Variants in GPR33 observed in about 807,000 individuals in gnomAD.
GPR33 encodes the protein probable G protein-coupled receptor 33.
GPR33 carries 4 observed loss-of-function variants against 3.1 expected under a neutral mutation model. The observed-to-expected ratio is 1.29, with a 90% CI of 0.64 to 2.96. The LOEUF (loss-of-function observed/expected upper bound fraction) is 2.96, where lower values mean the gene tolerates loss of function less well. Ranked by LOEUF, GPR33 falls within the 30% of genes most tolerant of loss-of-function variation. The probability of loss-of-function intolerance (pLI) is 0.01; values close to 1 mark genes in which losing one functional copy is unlikely to be tolerated. For missense variants in GPR33, 390 were observed against 388.9 expected, an observed-to-expected ratio of 1.00 and a Z score of -0.02; for synonymous variants, 138 against 142.0, an observed-to-expected ratio of 0.97 and a Z score of 0.20.
In GPR33 at chr14:31,483,320, G is replaced by T; in HGVS notation, c.646C>A (p.Leu216Met). The T allele has an allele frequency of 6.5e-7, 1 of 1,536,168 alleles. No individual in the cohort carries two copies. The highest frequency in any genetic ancestry group is 8.7e-7 in the Non-Finnish European group (1 of 1,146,918). ...FISRFLLGFL[L>M]PFFIIIFCYE... ...CAAAAGATGATGATGAAGAAAGGCA[G>T]AAGAAAGCCCAGCAAGAAGCGGCTG... The change falls in exon 2 of 2, where the codon CTG (leucine) becomes ATG (methionine). Residue 216 changes from leucine to methionine, a missense_variant. By Grantham distance (15) the Leu-to-Met change is conservative. Coordinates refer to ENST00000399285, the MANE Select transcript of GPR33 (RefSeq NM_001197184.3).
rs1192922822 is a variant in GPR33, at chr14:31,483,903, A to C, written c.63T>G (p.Thr21=). ...INASTLVRNS[T]QFLAPASKMI... ...TTTTTGATGCAGGAGCTAGAAACTG[A>C]GTGCTGTTTCTTACTAAAGTAGAGG... is the stretch of plus-strand genomic sequence containing the variant. The change falls in exon 2 of 2, where the codon ACT becomes ACG. Residue 21 remains threonine, a synonymous_variant. Coordinates refer to ENST00000399285, the MANE Select transcript of GPR33 (RefSeq NM_001197184.3). 1 of 1,535,730 alleles carries C rather than the reference A, an allele frequency of 6.5e-7. No individual in the cohort carries two copies. Among genetic ancestry groups the C allele is most frequent in the South Asian group, 1.2e-5 (1 of 84,058 alleles).
At position 31,486,389 on chromosome 14, in the gene GPR33, G is replaced by A. The variant is rs117261804; in HGVS notation, c.-7+1508C>T. On this transcript the variant is annotated intron_variant, in intron 1 of 1. Coordinates refer to ENST00000399285, the MANE Select transcript of GPR33 (RefSeq NM_001197184.3). ...GCTAGGATTAGAGGCATGAGCTGCC[G>A]TGCCCAGCCATAATTGCTATTCAAA... Among the ~76,000 whole-genome samples the A allele has an allele frequency of 3.7e-4, 56 of 152,276 alleles. No homozygotes were observed. In the East Asian group the frequency reaches 9.3e-3, roughly 25 times the overall value.
intron 1 of GPR33, 95 bp from the exon 2 acceptor site, chr14:31,484,066 C>T (rs1038796972): frequency 1.8e-5 from 17 of 957,040 alleles, no homozygotes; most frequent in Non-Finnish European, 2.4e-5. Context: ...CATAGTGATA[C>T]TTCTAGTCCA....
intron 1 of GPR33, among the ~76,000 whole-genome samples, chr14:31,485,754 C>T (rs1458494134): frequency 6.6e-6 from 1 of 152,058 alleles, no homozygotes; most frequent in Non-Finnish European, 1.5e-5. Flanking sequence ...TATTTCCCAC[C>T]ATGCCTCCAT....
chr14:31,483,977 G>A lies in GPR33; in HGVS notation c.-6-6C>T. The A allele has an allele frequency of 6.7e-7, 1 of 1,496,726 alleles. No homozygotes were observed. Among genetic ancestry groups the A allele is most frequent in the Non-Finnish European group, 8.8e-7 (1 of 1,130,270 alleles). The allele number at this position is 1,496,726 out of a possible 1,614,324, so 92.7% of individuals were successfully genotyped here. A position where few individuals can be genotyped will look rare whatever the true frequency, so the allele number is the denominator to read the frequency against. On this transcript the variant is annotated splice_polypyrimidine_tract_variant and splice_region_variant and intron_variant, in intron 1 of 1. Transcript: ENST00000399285. ...TTGATCAGATCCATAATGACCTGTG[G>A]AGTGAGAAACAGTGAAAATAACAAC... is the stretch of plus-strand genomic sequence containing the variant.
intron 1 of GPR33, among the ~76,000 whole-genome samples, chr14:31,485,373 T>C (rs890043571): frequency 1.8e-4 from 27 of 151,894 alleles, no homozygotes; most frequent in African/African-American, 5.3e-4. Flanking sequence ...CGGTGGCTCA[T>C]GCCTGTAATT....
rs548068748 is a variant in GPR33, at chr14:31,486,765, T to G, written c.-7+1132A>C. Among the ~76,000 whole-genome samples, 11 of 152,290 alleles carry G rather than the reference T, an allele frequency of 7.2e-5. No individual in the cohort carries two copies. In the South Asian group the frequency reaches 2.3e-3, roughly 32 times the overall value. On this transcript the variant is annotated intron_variant, in intron 1 of 1. Coordinates refer to ENST00000399285, the MANE Select transcript of GPR33 (RefSeq NM_001197184.3). The stretch of plus-strand genomic sequence containing the variant: ...CACAGGGGATTTAAAAATAGGAATG[T>G]CTAATAATTATAATCTATTTGCTAT...
chr14:31,487,096 AT>A (rs981375811), intron 1 of GPR33, among the ~76,000 whole-genome samples: 1 of 151,584 alleles, frequency 6.6e-6, no homozygotes, highest in African/African-American at 2.4e-5. Context: ...TATGGGAAAG[AT>A]TTTTTTTTAA....
At chr14:31,484,191 A>G (rs1022231811) in intron 1 of GPR33, among the ~76,000 whole-genome samples, 6 of 152,226 alleles carry the variant, frequency 3.9e-5, no homozygotes, top group African/African-American at 1.4e-4. Context: ...CTGAGCATCA[A>G]AAATAGAAAT....
rs534323330 is a variant in GPR33 at position 31,487,266 on chromosome 14, C to T, written c.-7+631G>A. Among the ~76,000 whole-genome samples the T allele has an allele frequency of 5.3e-5, 8 of 152,002 alleles. No homozygotes were observed. The South Asian group carries it at 1.7e-3, about 32-fold the overall frequency. On this transcript the variant is annotated intron_variant, in intron 1 of 1. Coordinates refer to ENST00000399285, the MANE Select transcript of GPR33 (RefSeq NM_001197184.3). ...GCACATAACCAGGAGATTTCTTCATCCTTAAACACCTTTAAAATGATGTTA... is the reference window on the plus strand; with the variant it reads ...GCACATAACCAGGAGATTTCTTCATTCTTAAACACCTTTAAAATGATGTTA...
At chr14:31,484,251 T>C (rs1165420343) in intron 1 of GPR33, among the ~76,000 whole-genome samples, 1 of 152,182 alleles carries the variant, frequency 6.6e-6, no homozygotes, top group Non-Finnish European at 1.5e-5. Context: ...TTGGGACATT[T>C]TGACAATTGT....
In GPR33 at chr14:31,487,967, C is replaced by T. The variant is rs1287937483; in HGVS notation, c.-77G>A. ...GTGACTCTACACCATCAATTTCTCA[C>T]TAGGAACAGAGTGAACAAAATCAGT... On this transcript the variant is annotated 5_prime_UTR_variant, in exon 1 of 2. In the 5' UTR this introduces an upstream ATG that the reference lacks. Transcript: ENST00000399285. The T allele has an allele frequency of 6.6e-6, 1 of 152,216 alleles. No individual in the cohort carries two copies. Among genetic ancestry groups the T allele is most frequent in the Non-Finnish European group, 1.5e-5 (1 of 68,050 alleles). The allele number at this position is 152,216 out of a possible 1,614,324, so 9.4% of individuals were successfully genotyped here. A position where few individuals can be genotyped will look rare whatever the true frequency, so the allele number is the denominator to read the frequency against.
At chr14:31,486,157 G>A (rs2032417590) in intron 1 of GPR33, among the ~76,000 whole-genome samples, 2 of 152,170 alleles carry the variant, frequency 1.3e-5, no homozygotes, top group Admixed American at 6.5e-5. Context: ...GGAGTGCAGT[G>A]GCACGATCCT....
At chr14:31,487,432 G>GTTTTTTTTTTTTTT (rs752227440) in intron 1 of GPR33, among the ~76,000 whole-genome samples, 2 of 70,380 alleles carry the variant, frequency 2.8e-5, no homozygotes, top group Non-Finnish European at 5.1e-5. Context: ...AAGCCCCTCA[G>GTTTTTTTTTTTTTT]TTTTTTTTTT....
Position 31,483,313 on chromosome 14 carries a change from A to G in GPR33, c.653T>C (p.Phe218Ser). ...TTCATAACAAAAGATGATGATGAAG[A>G]AAGGCAGAAGAAAGCCCAGCAAGAA... ...SRFLLGFLLP[F>S]FIIIFCYERV... The change falls in exon 2 of 2, where the codon TTC becomes TCC. Residue 218 changes from phenylalanine (F) to serine (S), a missense_variant. Transcript: ENST00000399285. The G allele has an allele frequency of 6.5e-7, 1 of 1,536,172 alleles. No individual in the cohort carries two copies. Among genetic ancestry groups the G allele is most frequent in the East Asian group, 2.4e-5 (1 of 40,926 alleles).
chr14:31,482,976 C>A lies in GPR33; in HGVS notation c.990G>T (p.Arg330Ser). 1 of 1,514,226 alleles carries A rather than the reference C, an allele frequency of 6.6e-7. No homozygotes were observed. 93.8% of individuals were successfully genotyped at this position (1,514,226 alleles called of 1,614,324 possible). The change falls in exon 2 of 2, where the codon AGG (arginine) becomes AGT (serine). Residue 330 changes from arginine to serine, a missense_variant. Coordinates refer to ENST00000399285, the MANE Select transcript of GPR33 (RefSeq NM_001197184.3). Reference sequence around the variant, plus strand: ...TAGGCTTCTGAGTTTAGGTTTGTGTCCTTTCTACAGAAGAATCTTCACTAA... The same window carrying A: ...TAGGCTTCTGAGTTTAGGTTTGTGTACTTTCTACAGAAGAATCTTCACTAA... ...STFSEDSSVERTQT is the reference protein window; with the variant it reads ...STFSEDSSVESTQT
At chr14:31,487,432 G>GTTTTTTTTTTTTTTTTTTTTTTTTT (rs752227440) in intron 1 of GPR33, among the ~76,000 whole-genome samples, 2 of 70,380 alleles carry the variant, frequency 2.8e-5, no homozygotes, top group Non-Finnish European at 5.1e-5. Context: ...AAGCCCCTCA[G>GTTTTTTTTTTTTTTTTTTTTTTTTT]TTTTTTTTTT....
In GPR33 at chr14:31,483,067, A is replaced by C; in HGVS notation, c.899T>G (p.Leu300Ter). The C allele has an allele frequency of 6.5e-7, 1 of 1,536,040 alleles. No homozygotes were observed. The highest frequency in any genetic ancestry group is 1.2e-5 in the South Asian group (1 of 84,052). The change falls in exon 2 of 2, where the codon TTA (leucine) becomes TGA (stop). Residue 300 changes from leucine to a stop codon, truncating the protein, a stop_gained. Coordinates refer to ENST00000399285, the MANE Select transcript of GPR33 (RefSeq NM_001197184.3). LOFTEE classifies it high-confidence loss of function. ...CTTTTTGAAATTCTCCCCAACAAAT[A>C]AGTAGAGTGTGGGAGAAAAGATAGT... ...FNTIFSPTLY[L>*]FVGENFKKVF...
chr14:31,483,734 T>C lies in GPR33; in HGVS notation c.232A>G (p.Thr78Ala), dbSNP rs1356385656. 2.0e-6 allele frequency: 3 copies of C among 1,536,164 alleles called. No homozygotes were observed. In the South Asian group the frequency reaches 3.6e-5, roughly 18 times the overall value. Residue 78 changes from threonine (T) to alanine (A), a missense_variant, in exon 2 of 2, where the codon ACA (threonine) becomes GCA (alanine). Thr to Ala is a moderately conservative substitution (Grantham distance 58). Coordinates refer to ENST00000399285, the MANE Select transcript of GPR33 (RefSeq NM_001197184.3). The stretch of plus-strand genomic sequence containing the variant: ...GTGGCCATAAATGGCAGAATCATTG[T>C]TGAAATAAAATAAGAGAGAATGAGA... ...FHLILSYFISTMILPFMATSQ... is the reference protein window; with the variant it reads ...FHLILSYFISAMILPFMATSQ...
Sources: gnomAD v4.1 joint callset for allele counts (sites outside exome capture counted in the v4.1 genomes callset) on GRCh38, gnomAD v4.1.1 for gene constraint, MANE v1.5 for transcripts, NCBI Gene and HGNC (gene_info 2026-07-23, HGNC 2026-07-21) for gene names.